Variants in COX15 observed in about 807,000 individuals in gnomAD.
COX15 encodes cytochrome c oxidase assembly factor COX15, also known as heme A synthase COX15.
COX15 carries 51 observed loss-of-function variants against 51.9 expected under a neutral mutation model. The ratio of observed to expected loss-of-function variants is 0.98; its 90% CI spans 0.78 to 1.24. COX15 has a LOEUF of 1.24. Ranked by LOEUF, COX15 falls within the 50% of genes most tolerant of loss-of-function variation. The pLI is 0.00. For missense variants in COX15, 420 were observed against 501.1 expected, an observed-to-expected ratio of 0.84 and a Z score of 1.55; for synonymous variants, 188 against 190.5, an observed-to-expected ratio of 0.99 and a Z score of 0.11.
At chr10:99,719,589 C>G (rs900137359) in intron 6 of COX15, among the ~76,000 whole-genome samples, 6 of 152,198 alleles carry the variant, frequency 3.9e-5, no homozygotes, top group Middle Eastern at 3.4e-3. Flanking sequence ...CTCCTGGGCT[C>G]AAGCAATCCT....
chr10:99,696,711 T>G, the COX15 span, among the ~76,000 whole-genome samples: 1 of 152,236 alleles, frequency 6.6e-6, no homozygotes. Context: ...ATTTCTTGTT[T>G]CTTTTTTGTT....
At chr10:99,722,976 C>G (rs939739971) in intron 5 of COX15, 1 of 152,140 alleles carries the variant, frequency 6.6e-6, no homozygotes, top group Non-Finnish European at 1.5e-5. Flanking sequence ...TTTGGCTTCT[C>G]TGTGGGAATG....
Position 99,711,921 on chromosome 10 carries a change from T to G in COX15, c.*2666A>C. The G allele has an allele frequency of 1.3e-6, 1 of 749,436 alleles. No homozygotes were observed. Among genetic ancestry groups the G allele is most frequent in the South Asian group, 6.1e-5 (1 of 16,478 alleles). 46.4% of individuals were successfully genotyped at this position (749,436 alleles called of 1,614,324 possible). A position where few individuals can be genotyped will look rare whatever the true frequency, so the allele number is the denominator to read the frequency against. On this transcript the variant is annotated 3_prime_UTR_variant, in exon 9 of 9. Transcript: ENST00000016171. ...TAGGAAGCATGGCGCTGGCATCTGC[T>G]TCTGGTGAGGGCCTCACGAAGCTTA...
At chr10:99,710,818 G>A (rs1268591992), downstream of COX15, 13 of 985,376 alleles carry the variant, frequency 1.3e-5, no homozygotes, top group Non-Finnish European at 1.6e-5. Flanking sequence ...TGCTACAATA[G>A]ATAGTATTTG....
intron 5 of COX15, among the ~76,000 whole-genome samples, chr10:99,721,701 G>A (rs934899749): frequency 2.6e-5 from 4 of 152,100 alleles, no homozygotes; most frequent in Admixed American, 2.6e-4. Flanking sequence ...CATATTATAG[G>A]ACAGTATATC....
chr10:99,701,151 T>C, the COX15 span: 1 of 1,118,530 alleles, frequency 8.9e-7, no homozygotes, highest in Non-Finnish European at 1.3e-6. Context: ...TTAGATTTCA[T>C]GTTGAGGGAG....
In COX15 at chr10:99,711,500, G is replaced by A; in HGVS notation, c.*3087C>T. 5.1e-6 allele frequency: 5 copies of A among 985,400 alleles called. No homozygotes were observed. Among genetic ancestry groups the A allele is most frequent in the Non-Finnish European group, 6.0e-6 (5 of 829,926 alleles). 61.0% of individuals were successfully genotyped at this position (985,400 alleles called of 1,614,324 possible). A position where few individuals can be genotyped will look rare whatever the true frequency, so the allele number is the denominator to read the frequency against. ...AGCAGATCAAATGATAAGGTGGGGTGGAAATTAGAAGGGAATGGGAATAAG... is the reference window on the plus strand; with the variant it reads ...AGCAGATCAAATGATAAGGTGGGGTAGAAATTAGAAGGGAATGGGAATAAG... On this transcript the variant is annotated 3_prime_UTR_variant, in exon 9 of 9. Transcript: ENST00000016171.
At chr10:99,726,063 C>G (rs529952537) in intron 4 of COX15, among the ~76,000 whole-genome samples, 2 of 152,146 alleles carry the variant, frequency 1.3e-5, no homozygotes, top group East Asian at 3.9e-4. Context: ...CAGTACTAAC[C>G]TGTTAACTGT....
chr10:99,707,119 T>C (rs973803817), downstream of COX15, among the ~76,000 whole-genome samples: 1 of 152,222 alleles, frequency 6.6e-6, no homozygotes, highest in Non-Finnish European at 1.5e-5. Context: ...GATACCTACA[T>C]TTATCACTTT....
chr10:99,703,431 C>T, the COX15 span, among the ~76,000 whole-genome samples: 1 of 152,238 alleles, frequency 6.6e-6, no homozygotes, highest in South Asian at 2.1e-4. Flanking sequence ...CACACACAAG[C>T]ACTGTCCCAG....
the COX15 span, among the ~76,000 whole-genome samples, chr10:99,702,232 ATCC>A: frequency 6.6e-6 from 1 of 152,158 alleles, no homozygotes; most frequent in Admixed American, 6.5e-5. Context: ...AATCCCAAAC[ATCC>A]TATAATTACA....
the COX15 span, chr10:99,698,635 T>C: frequency 7.4e-6 from 12 of 1,614,174 alleles, no homozygotes; most frequent in East Asian, 1.6e-4. Flanking sequence ...AGCCAAGTCT[T>C]ACATGTCCGA....
chr10:99,713,252 G>A lies in COX15; in HGVS notation c.*1335C>T. ...TCTTTTTTATATGAAATGATATAAG[G>A]CCAGGTTTCTTCAGCCCAAACTTAT... On this transcript the variant is annotated 3_prime_UTR_variant, in exon 9 of 9. Coordinates refer to ENST00000016171, the MANE Select transcript of COX15 (RefSeq NM_078470.6). 3 of 1,455,748 alleles carry A rather than the reference G, an allele frequency of 2.1e-6. No individual in the cohort carries two copies. Among genetic ancestry groups the A allele is most frequent in the Non-Finnish European group, 2.8e-6 (3 of 1,078,778 alleles). The allele number at this position is 1,455,748 out of a possible 1,614,324, so 90.2% of individuals were successfully genotyped here.
rs1029980570 is a variant in COX15 at position 99,712,180 on chromosome 10, T to G, written c.*2407A>C. On this transcript the variant is annotated 3_prime_UTR_variant, in exon 9 of 9. Transcript: ENST00000016171. The stretch of plus-strand genomic sequence containing the variant: ...AACACTGAATGTCACACTTTGAACA[T>G]GAGATTTGGAGGGGACAAAACATCC... 1.0e-5 allele frequency: 10 copies of G among 964,506 alleles called. No individual in the cohort carries two copies. The highest frequency in any genetic ancestry group is 4.8e-5 in the South Asian group (1 of 20,872). The allele number at this position is 964,506 out of a possible 1,614,324, so 59.7% of individuals were successfully genotyped here. A position where few individuals can be genotyped will look rare whatever the true frequency, so the allele number is the denominator to read the frequency against.
chr10:99,708,885 CAG>C (rs546485683), downstream of COX15: 7 of 985,248 alleles, frequency 7.1e-6, no homozygotes, highest in African/African-American at 1.7e-5. Flanking sequence ...CAAGTATAAA[CAG>C]AATCTATTTT....
intron 6 of COX15, among the ~76,000 whole-genome samples, chr10:99,719,045 T>C (rs1206678860): frequency 6.6e-6 from 1 of 152,132 alleles, no homozygotes; most frequent in African/African-American, 2.4e-5. Flanking sequence ...TTATCTGTCT[T>C]CCCCAAATGC....
rs947256092 is a variant in COX15, at chr10:99,711,837, C to T, written c.*2750G>A. ...CGGCTTGCATTGCTATAAGGAAATA[C>T]TGACAATTTTTAGAAAGAAAAGAGG... is the stretch of plus-strand genomic sequence containing the variant. On this transcript the variant is annotated 3_prime_UTR_variant, in exon 9 of 9. Transcript: ENST00000016171. 2 of 984,364 alleles carry T rather than the reference C, an allele frequency of 2.0e-6. No individual in the cohort carries two copies. Among genetic ancestry groups the T allele is most frequent in the Non-Finnish European group, 2.4e-6 (2 of 829,100 alleles). 61.0% of individuals were successfully genotyped at this position (984,364 alleles called of 1,614,324 possible).
In COX15 at chr10:99,732,112, C is replaced by A. The variant is rs1379778980; in HGVS notation, c.-63G>T. On this transcript the variant is annotated 5_prime_UTR_variant, in exon 1 of 9. Transcript: ENST00000016171. ...GGGCTCTGTGGTCTCCCTCCTCCGC[C>A]AAGGAAAAGAGAAGCACTTCCGGGT... is the stretch of plus-strand genomic sequence containing the variant. 1 of 1,574,354 alleles carries A rather than the reference C, an allele frequency of 6.4e-7. No individual in the cohort carries two copies. The highest frequency in any genetic ancestry group is 1.3e-5 in the African/African-American group (1 of 74,074).
chr10:99,727,553 A>C lies in COX15; in HGVS notation c.283T>G (p.Ser95Ala). The change falls in exon 3 of 9, where the codon TCT (serine) becomes GCT (alanine). Residue 95 changes from serine (S) to alanine (A), a missense_variant. By Grantham distance (99) the Ser-to-Ala change is moderately conservative. Transcript: ENST00000016171. Reference sequence around the variant, plus strand: ...TGCCAATCTACCATCGAGAGGCCAGACTCTGTCAACCTTAGGATAGGAAAG... The same window carrying C: ...TGCCAATCTACCATCGAGAGGCCAGCCTCTGTCAACCTTAGGATAGGAAAG... ...ILGGVTRLTE[S>A]GLSMVDWHLI... 6.2e-7 allele frequency: 1 copy of C among 1,613,450 alleles called. No homozygotes were observed. The highest frequency in any genetic ancestry group is 8.5e-7 in the Non-Finnish European group (1 of 1,179,968).
Sources: gnomAD v4.1 joint callset for allele counts (sites outside exome capture counted in the v4.1 genomes callset) on GRCh38, gnomAD v4.1.1 for gene constraint, MANE v1.5 for transcripts, NCBI Gene and HGNC (gene_info 2026-07-23, HGNC 2026-07-21) for gene names.